EDA: variants seen among roughly 807,000 people sequenced by gnomAD.
EDA encodes ectodysplasin-A.
EDA carries 2 observed loss-of-function variants against 23.6 expected under a neutral mutation model. That is an observed-to-expected ratio of 0.08 (90% confidence interval 0.03 to 0.27). The LOEUF (loss-of-function observed/expected upper bound fraction) is 0.27. Among genes scored for constraint, EDA ranks in the 10% least tolerant of loss-of-function variants. The pLI is 1.00. For missense variants in EDA, 229 were observed against 324.2 expected (o/e 0.71, Z 2.26); for synonymous variants, 131 against 132.0 (o/e 0.99, Z 0.05).
intron 1 of EDA, among the ~76,000 whole-genome samples, chrX:69,827,007 T>C (rs1397717944): frequency 8.9e-6 from 1 of 112,221 alleles, no homozygotes. Flanking sequence ...TTCTTTTCTT[T>C]AGGAATGTTG....
chrX:69,799,005 T>C (rs1326247813), intron 1 of EDA, among the ~76,000 whole-genome samples: 1 of 110,945 alleles, frequency 9.0e-6, no homozygotes, highest in Non-Finnish European at 1.9e-5. Context: ...AACAGACACA[T>C]AGACCAAGGG....
chrX:69,903,135 G>A, intron 1 of EDA, among the ~76,000 whole-genome samples: 1 of 111,300 alleles, frequency 9.0e-6, no homozygotes, highest in Non-Finnish European at 1.9e-5. Context: ...ATTTTTATTT[G>A]TCTATTCATA....
chrX:69,929,544 G>A (rs1248296409), intron 1 of EDA, among the ~76,000 whole-genome samples: 2 of 109,917 alleles, frequency 1.8e-5, no homozygotes, highest in African/African-American at 3.3e-5. Flanking sequence ...ACTACCCTGA[G>A]AAGCTGCTCC....
rs1163499537 is a variant in EDA, at chrX:69,983,084, GC to G, written c.502+25954del. On this transcript the variant is annotated intron_variant, in intron 2 of 7. Transcript: ENST00000374552. ...ATCAGAGACTAGGATTGCAACCCCT[GC>G]CTTTTTTTGTTTTCCATTGGCTTGG... 6.0e-5 allele frequency among the ~76,000 whole-genome samples: 3 copies of G among 50,237 alleles called. No homozygotes were observed. In the East Asian group the frequency reaches 1.7e-3, roughly 28 times the overall value. 43.6% of individuals were successfully genotyped at this position (50,237 alleles called of 115,157 possible).
chrX:69,744,859 C>T (rs1012146656), intron 1 of EDA, among the ~76,000 whole-genome samples: 2 of 111,616 alleles, frequency 1.8e-5, no homozygotes, highest in African/African-American at 6.5e-5. Context: ...AATAACTTGC[C>T]TACGGGCACA....
intron 1 of EDA, among the ~76,000 whole-genome samples, chrX:69,917,758 T>C (rs1043015622): frequency 1.8e-5 from 2 of 111,476 alleles, no homozygotes; most frequent in Admixed American, 1.9e-4. Context: ...TTTTTAATAA[T>C]AATATTGTTA....
chrX:69,993,399 A>G (rs1487000147), intron 2 of EDA, among the ~76,000 whole-genome samples: 3 of 111,451 alleles, frequency 2.7e-5, no homozygotes, highest in Admixed American at 9.5e-5. Flanking sequence ...TTAAGCACCT[A>G]TGATGTATCA....
At chrX:70,010,038 T>C (rs2019854870) in intron 2 of EDA, among the ~76,000 whole-genome samples, 1 of 112,260 alleles carries the variant, frequency 8.9e-6, no homozygotes, top group African/African-American at 3.2e-5. Context: ...CAGAATATGG[T>C]CTGCCTTGTT....
At chrX:69,970,201 G>A (rs1262077957) in intron 2 of EDA, among the ~76,000 whole-genome samples, 1 of 112,847 alleles carries the variant, frequency 8.9e-6, no homozygotes, top group Non-Finnish European at 1.9e-5. Context: ...AAGAGCATAA[G>A]ATTTAAAATC....
intron 1 of EDA, among the ~76,000 whole-genome samples, chrX:69,794,005 G>A (rs896717468): frequency 9.0e-6 from 1 of 111,651 alleles, no homozygotes; most frequent in African/African-American, 3.3e-5. Context: ...ATTTGAGCTT[G>A]TGCTTCCTGC....
At chrX:69,993,963 A>G (rs188111448) in intron 2 of EDA, among the ~76,000 whole-genome samples, 1 of 111,926 alleles carries the variant, frequency 8.9e-6, no homozygotes. Context: ...CTTGTTAACA[A>G]TTTTGGATTG....
intron 1 of EDA, among the ~76,000 whole-genome samples, chrX:69,719,885 G>T (rs1007014251): frequency 6.3e-4 from 70 of 110,350 alleles, no homozygotes; most frequent in African/African-American, 1.8e-3. Flanking sequence ...GAGTAGCTGG[G>T]ACTACAGGTG....
chrX:69,771,966 C>A (rs2014652596), intron 1 of EDA, among the ~76,000 whole-genome samples: 1 of 111,464 alleles, frequency 9.0e-6, no homozygotes, highest in South Asian at 3.8e-4. Flanking sequence ...AATTTTTTAA[C>A]ATTTTTTTGA....
chrX:69,818,725 A>G (rs145518537), intron 1 of EDA, among the ~76,000 whole-genome samples: 2,495 of 111,406 alleles, frequency 0.022, 53 homozygotes, highest in African/African-American at 0.078. Flanking sequence ...TCAGCAATAA[A>G]TAGCCTACCA....
intron 1 of EDA, among the ~76,000 whole-genome samples, chrX:69,749,229 G>A (rs1371642281): frequency 2.1e-4 from 18 of 85,793 alleles, no homozygotes; most frequent in African/African-American, 6.0e-4. Flanking sequence ...GAGAATGATG[G>A]TTTCCAATTT....
At chrX:70,031,582 G>C (rs150326848) in intron 6 of EDA, among the ~76,000 whole-genome samples, 1,440 of 111,894 alleles carry the variant, frequency 0.013, 24 homozygotes, top group African/African-American at 0.045. Flanking sequence ...AAAAAAAACA[G>C]CTACATGGGG....
rs1040252649 is a variant in EDA, at chrX:69,992,029, G to A, written c.503-31189G>A. 4.5e-5 allele frequency among the ~76,000 whole-genome samples: 5 copies of A among 112,307 alleles called. No homozygotes were observed. In the East Asian group the frequency reaches 1.4e-3, roughly 31 times the overall value. ...TAAGAAGATTGGGTCCCCTGCCACT[G>A]GGTAAGGGTTTCCCTGCTAAGTCCT... On this transcript the variant is annotated intron_variant, in intron 2 of 7. Transcript: ENST00000374552.
At chrX:69,883,102 A>G (rs2017775124) in intron 1 of EDA, among the ~76,000 whole-genome samples, 1 of 112,322 alleles carries the variant, frequency 8.9e-6, no homozygotes, top group Non-Finnish European at 1.9e-5. Context: ...ATGTAAATAT[A>G]TAATCTGTTC....
chrX:69,904,100 C>A (rs1273583853), intron 1 of EDA, among the ~76,000 whole-genome samples: 2 of 111,299 alleles, frequency 1.8e-5, no homozygotes, highest in Non-Finnish European at 3.8e-5. Flanking sequence ...CGTGAGCCAC[C>A]ACCCCCGGCC....
Sources: gnomAD v4.1 joint callset for allele counts (sites outside exome capture counted in the v4.1 genomes callset) on GRCh38, gnomAD v4.1.1 for gene constraint, MANE v1.5 for transcripts, NCBI Gene and HGNC (gene_info 2026-07-23, HGNC 2026-07-21) for gene names.